Variants in TTC27 observed in about 807,000 individuals in gnomAD.
TTC27 encodes the protein tetratricopeptide repeat protein 27.
In TTC27, 79 loss-of-function variants were observed where a neutral mutation model predicts 115.9. The ratio of observed to expected loss-of-function variants is 0.68; its 90% CI spans 0.57 to 0.82. TTC27 has a LOEUF of 0.82. Ranked by LOEUF, TTC27 falls within the 40% of genes least tolerant of loss-of-function variation. The pLI is 0.00. For synonymous variants in TTC27, 401 were observed against 356.0 expected (o/e 1.13, Z -1.42); for missense variants, 1,054 against 993.1 (o/e 1.06, Z -0.82).
chr2:32,688,717 G>A (rs539780250), intron 9 of TTC27, among the ~76,000 whole-genome samples: 1 of 152,164 alleles, frequency 6.6e-6, no homozygotes, highest in East Asian at 1.9e-4. Context: ...AGATACCACT[G>A]TACATTACTG....
At chr2:32,691,823 T>G (rs1666822163) in intron 9 of TTC27, among the ~76,000 whole-genome samples, 1 of 151,908 alleles carries the variant, frequency 6.6e-6, no homozygotes, top group Non-Finnish European at 1.5e-5. Flanking sequence ...ATGAGTCACC[T>G]TTTATAGATT....
At position 32,811,439 on chromosome 2, in the gene TTC27, A is replaced by G. The variant is rs115146146; in HGVS notation, c.2196+218A>G. ...TTTATTTACCATGAAGTTTTCTTAC[A>G]TAGTTGTTCCCTGTTTCCTGCAAAA... On this transcript the variant is annotated intron_variant, in intron 17 of 19. Transcript: ENST00000317907. Among the ~76,000 whole-genome samples, 140 of 152,282 alleles carry G rather than the reference A, an allele frequency of 9.2e-4. No individual in the cohort carries two copies. The South Asian group carries it at 0.01, about 11-fold the overall frequency.
In TTC27 at chr2:32,739,392, C is replaced by T. The variant is rs566583781; in HGVS notation, c.1452+2576C>T. Reference sequence around the variant, plus strand: ...AGAAAGTATGGAAAGATGAGACTTTCCTTAATTGCAGGAGAAAAAACATAA... The same window carrying T: ...AGAAAGTATGGAAAGATGAGACTTTTCTTAATTGCAGGAGAAAAAACATAA... On this transcript the variant is annotated intron_variant, in intron 12 of 19. Transcript: ENST00000317907. 1.9e-3 allele frequency among the ~76,000 whole-genome samples: 296 copies of T among 152,114 alleles called. 2 individuals are homozygous for T. Among genetic ancestry groups the T allele is most frequent in the African/African-American group, 6.8e-3 (284 of 41,500 alleles).
At chr2:32,801,200 GT>G (rs1428249046) in intron 16 of TTC27, among the ~76,000 whole-genome samples, 1 of 152,148 alleles carries the variant, frequency 6.6e-6, no homozygotes, top group Non-Finnish European at 1.5e-5. Context: ...TGCAATGTTA[GT>G]TTTCTAGGGC....
chr2:32,751,426 G>A (rs1159528141), intron 12 of TTC27, among the ~76,000 whole-genome samples: 1 of 151,990 alleles, frequency 6.6e-6, no homozygotes. Flanking sequence ...CTTTTGCTTG[G>A]CCCTTTTTAC....
At chr2:32,685,222 G>A (rs903839308) in intron 9 of TTC27, among the ~76,000 whole-genome samples, 1 of 151,788 alleles carries the variant, frequency 6.6e-6, no homozygotes, top group African/African-American at 2.4e-5. Flanking sequence ...TACAGATGGG[G>A]TTTCACCATG....
chr2:32,664,022 C>T (rs535210414), intron 5 of TTC27, among the ~76,000 whole-genome samples: 6 of 152,054 alleles, frequency 3.9e-5, no homozygotes, highest in East Asian at 1.9e-4. Flanking sequence ...AAGACAAACC[C>T]GCTGAGAAAG....
intron 5 of TTC27, among the ~76,000 whole-genome samples, chr2:32,657,141 G>A (rs551925664): frequency 4.0e-5 from 6 of 150,422 alleles, no homozygotes; most frequent in African/African-American, 7.3e-5. Flanking sequence ...GCCCACCACC[G>A]TGCCCGGCTA....
At chr2:32,652,668 T>C (rs553508452) in intron 5 of TTC27, among the ~76,000 whole-genome samples, 2 of 152,320 alleles carry the variant, frequency 1.3e-5, no homozygotes, top group African/African-American at 4.8e-5. Context: ...CCATTTTGGC[T>C]AGGTCTAAAT....
chr2:32,779,100 G>A (rs147235201), intron 14 of TTC27, among the ~76,000 whole-genome samples: 8 of 152,244 alleles, frequency 5.3e-5, no homozygotes, highest in African/African-American at 9.6e-5. Flanking sequence ...GACGCATGCC[G>A]TGGTCCCAGC....
intron 5 of TTC27, 29 bp from the exon 6 acceptor site, chr2:32,664,274 C>G (rs763703454): frequency 6.4e-7 from 1 of 1,568,106 alleles, no homozygotes; most frequent in Non-Finnish European, 8.6e-7. Context: ...CTCATCATAA[C>G]TTTTAATGTT....
rs368949546 is a variant in TTC27, at chr2:32,806,565, G to C, written c.1999-4459G>C. Among the ~76,000 whole-genome samples the C allele has an allele frequency of 3.3e-3, 505 of 152,174 alleles. 3 individuals are homozygous for C. The highest frequency in any genetic ancestry group is 0.012 in the African/African-American group (481 of 41,502). ...AGAGGCTGAGGCGGGCAGATCACGA[G>C]GTCAGGAGATCGAGACCATCCTGGC... On this transcript the variant is annotated intron_variant, in intron 16 of 19. Coordinates refer to ENST00000317907, the MANE Select transcript of TTC27 (RefSeq NM_017735.5).
intron 13 of TTC27, among the ~76,000 whole-genome samples, chr2:32,759,435 G>T (rs1470588165): frequency 6.6e-6 from 1 of 152,014 alleles, no homozygotes; most frequent in Admixed American, 6.5e-5. Context: ...AAAAAACATA[G>T]AAAAATTACC....
chr2:32,666,969 G>GT (rs5830236), intron 7 of TTC27, among the ~76,000 whole-genome samples: 6 of 150,454 alleles, frequency 4.0e-5, no homozygotes, highest in South Asian at 4.2e-4. Context: ...AAAAACTGGT[G>GT]TTTTTTTTTT....
chr2:32,688,296 T>C (rs1572516751), intron 9 of TTC27, among the ~76,000 whole-genome samples: 1 of 152,150 alleles, frequency 6.6e-6, no homozygotes, highest in African/African-American at 2.4e-5. Flanking sequence ...AGTTAAATCA[T>C]TGATCTCAAT....
intron 13 of TTC27, among the ~76,000 whole-genome samples, chr2:32,772,937 G>C (rs13006703): frequency 0.039 from 5,891 of 152,200 alleles, 270 homozygotes; most frequent in African/African-American, 0.11. Flanking sequence ...CATAGGTTAA[G>C]TGACATAGCC....
intron 5 of TTC27, 65 bp from the exon 6 acceptor site, chr2:32,664,238 A>T (rs1484445795): frequency 7.1e-7 from 1 of 1,412,180 alleles, no homozygotes; most frequent in African/African-American, 1.4e-5. Flanking sequence ...TATAGACTCT[A>T]TTTTACACAT....
intron 16 of TTC27, among the ~76,000 whole-genome samples, chr2:32,808,454 T>C (rs1303117252): frequency 1.3e-5 from 2 of 152,168 alleles, no homozygotes; most frequent in Non-Finnish European, 2.9e-5. Flanking sequence ...ATTGCCTCCC[T>C]CCTCTCTCTT....
Position 32,636,058 on chromosome 2 carries a change from A to G in TTC27, c.396+2053A>G, listed in dbSNP as rs1282310741. Among the ~76,000 whole-genome samples the G allele has an allele frequency of 2.0e-5, 3 of 152,208 alleles. No homozygotes were observed. In the South Asian group the frequency reaches 6.2e-4, roughly 31 times the overall value. On this transcript the variant is annotated intron_variant, in intron 3 of 19. Coordinates refer to ENST00000317907, the MANE Select transcript of TTC27 (RefSeq NM_017735.5). The stretch of plus-strand genomic sequence containing the variant: ...AGAGATAAGCTTCAGTTATCTAGAA[A>G]TGTACTTAGGAAACATCTCATTCCC...
Sources: allele counts gnomAD v4.1 joint callset (sites outside exome capture counted in the v4.1 genomes callset), GRCh38; gene constraint gnomAD v4.1.1; transcripts MANE v1.5; gene names NCBI Gene and HGNC (gene_info 2026-07-23, HGNC 2026-07-21).